The following CLVS1 variants were observed in gnomAD, a reference collection of about 807,000 sequenced individuals.
CLVS1 encodes clavesin 1.
In CLVS1, 10 loss-of-function variants were observed where a neutral mutation model predicts 33.1. That is an observed-to-expected ratio of 0.30 (90% CI 0.19 to 0.51). CLVS1 has a LOEUF of 0.51. CLVS1 is among the 20% of genes least tolerant of loss of function. CLVS1 has a pLI of 0.97. For missense variants in CLVS1, 343 were observed against 433.4 expected (o/e 0.79, Z 1.85); for synonymous variants, 163 against 166.1 (o/e 0.98, Z 0.14).
intron 2 of CLVS1, among the ~76,000 whole-genome samples, chr8:61,233,409 T>G (rs1808485299): frequency 6.6e-6 from 1 of 151,810 alleles, no homozygotes. Flanking sequence ...TGTCAGCCAT[T>G]CTCTATCAAC....
intron 5 of CLVS1, among the ~76,000 whole-genome samples, chr8:61,477,762 T>A (rs1004972329): frequency 6.6e-6 from 1 of 152,168 alleles, no homozygotes. Flanking sequence ...CCTGGATTCA[T>A]TGATTTTTTG....
chr8:61,373,295 C>T (rs1813513051), intron 2 of CLVS1, among the ~76,000 whole-genome samples: 1 of 152,222 alleles, frequency 6.6e-6, no homozygotes, highest in Non-Finnish European at 1.5e-5. Flanking sequence ...GTCCGTGCAA[C>T]TCTTTCCTGC....
intron 5 of CLVS1, among the ~76,000 whole-genome samples, chr8:61,491,481 A>T (rs1190729667): frequency 6.6e-6 from 1 of 152,262 alleles, no homozygotes; most frequent in East Asian, 1.9e-4. Context: ...TTCAAAAAGA[A>T]CTTATTTTTT....
chr8:61,290,046 T>TA (rs1352277614), intron 1 of CLVS1, among the ~76,000 whole-genome samples: 1 of 152,222 alleles, frequency 6.6e-6, no homozygotes, highest in Non-Finnish European at 1.5e-5. Context: ...AGGAGATTCT[T>TA]AAAACTCCCT....
intron 3 of CLVS1, 71 bp from the exon 4 acceptor site, chr8:61,454,070 A>C: frequency 9.5e-7 from 1 of 1,048,456 alleles, no homozygotes; most frequent in Non-Finnish European, 1.5e-6. Context: ...TCTTTGGGGC[A>C]TTGGTCCTGC....
At chr8:61,387,725 C>T (rs947295714) in intron 3 of CLVS1, among the ~76,000 whole-genome samples, 5 of 152,074 alleles carry the variant, frequency 3.3e-5, no homozygotes, top group African/African-American at 9.7e-5. Context: ...TGAGAGCATA[C>T]GATGTTTGGC....
intron 2 of CLVS1, among the ~76,000 whole-genome samples, chr8:61,186,217 CAAGT>C (rs1259498047): frequency 2.6e-5 from 4 of 152,158 alleles, no homozygotes; most frequent in Non-Finnish European, 5.9e-5. Context: ...AGAAGAAAAT[CAAGT>C]AAGGGCAAAT....
chr8:61,035,989 T>A, the CLVS1 span, among the ~76,000 whole-genome samples: 6 of 152,194 alleles, frequency 3.9e-5, no homozygotes, highest in African/African-American at 1.4e-4. Context: ...CCACAGACTT[T>A]CTTTCCTATA....
chr8:61,326,609 G>A (rs888214060), intron 2 of CLVS1, among the ~76,000 whole-genome samples: 1 of 152,178 alleles, frequency 6.6e-6, no homozygotes, highest in Non-Finnish European at 1.5e-5. Context: ...AGGAGGTGCA[G>A]CATAATCGCA....
intron 1 of CLVS1, among the ~76,000 whole-genome samples, chr8:61,107,888 A>T (rs191585119): frequency 1.2e-4 from 19 of 152,352 alleles, no homozygotes; most frequent in Admixed American, 9.8e-4. Context: ...CTGGTTATTT[A>T]TCAGCTGAAA....
chr8:60,995,584 C>T, the CLVS1 span, among the ~76,000 whole-genome samples: 5 of 152,188 alleles, frequency 3.3e-5, no homozygotes, highest in Non-Finnish European at 7.3e-5. Context: ...CTAGTTCAAC[C>T]ATTGTGGAAG....
At chr8:61,058,074 G>C (rs527717384) in intron 1 of CLVS1, among the ~76,000 whole-genome samples, 1 of 152,324 alleles carries the variant, frequency 6.6e-6, no homozygotes, top group African/African-American at 2.4e-5. Flanking sequence ...GTACAACCTA[G>C]CTAGACATAT....
chr8:61,404,463 C>G (rs1448669954), intron 3 of CLVS1, among the ~76,000 whole-genome samples: 1 of 151,920 alleles, frequency 6.6e-6, no homozygotes, highest in Non-Finnish European at 1.5e-5. Flanking sequence ...AACTTTTTTT[C>G]AAAAGTAAAA....
chr8:61,283,939 G>T (rs1809723997), upstream of CLVS1, among the ~76,000 whole-genome samples: 1 of 152,166 alleles, frequency 6.6e-6, no homozygotes, highest in South Asian at 2.1e-4. Flanking sequence ...CAATAACTTA[G>T]AAGTAAGTTA....
intron 1 of CLVS1, among the ~76,000 whole-genome samples, chr8:61,059,559 C>T (rs1439145385): frequency 1.4e-5 from 2 of 144,206 alleles, no homozygotes; most frequent in African/African-American, 5.1e-5. Flanking sequence ...TGAATGTGTC[C>T]CAGCACTTTG....
intron 1 of CLVS1, among the ~76,000 whole-genome samples, chr8:61,121,354 C>A (rs963514881): frequency 9.2e-5 from 14 of 152,242 alleles, no homozygotes; most frequent in Non-Finnish European, 2.1e-4. Flanking sequence ...ACGCTGGGAG[C>A]TGTAGACCAG....
chr8:61,287,631 CTTTGA>C (rs1203309102), upstream of CLVS1, among the ~76,000 whole-genome samples: 3 of 151,894 alleles, frequency 2.0e-5, no homozygotes, highest in Admixed American at 1.3e-4. Context: ...GGTGAAAAGA[CTTTGA>C]TTTGAGTCTT....
At chr8:61,457,856 T>A (rs1318614166) in intron 4 of CLVS1, among the ~76,000 whole-genome samples, 2 of 152,146 alleles carry the variant, frequency 1.3e-5, no homozygotes, top group African/African-American at 4.8e-5. Context: ...TAGGCAGTTA[T>A]CACCAGGGCG....
At chr8:61,017,186 A>G in the CLVS1 span, among the ~76,000 whole-genome samples, 3 of 152,274 alleles carry the variant, frequency 2.0e-5, no homozygotes, top group Middle Eastern at 3.4e-3. Context: ...AATTTCTCAC[A>G]ATTTTTGGGC....
Sources: allele counts gnomAD v4.1 joint callset (sites outside exome capture counted in the v4.1 genomes callset), GRCh38; gene constraint gnomAD v4.1.1; transcripts MANE v1.5; gene names NCBI Gene and HGNC (gene_info 2026-07-23, HGNC 2026-07-21).